The following CHD9 variants were observed in gnomAD, a reference collection of about 807,000 sequenced individuals.
The protein encoded by CHD9 is ATP-dependent chromatin remodeler CHD9.
Under a neutral mutation model 316.1 loss-of-function variants are expected in CHD9, and 77 were observed. The ratio of observed to expected loss-of-function variants is 0.24; its 90% CI spans 0.20 to 0.29. The LOEUF (loss-of-function observed/expected upper bound fraction) is 0.29. Ranked by LOEUF, CHD9 falls within the 10% of genes least tolerant of loss-of-function variation. The pLI is 1.00. For missense variants in CHD9, 2,763 were observed against 3,438.1 expected (o/e 0.80, Z 4.91); for synonymous variants, 1,129 against 1,158.3 (o/e 0.97, Z 0.51).
intron 1 of CHD9, among the ~76,000 whole-genome samples, chr16:53,108,035 G>A (rs2037508580): frequency 6.6e-6 from 1 of 152,170 alleles, no homozygotes; most frequent in South Asian, 2.1e-4. Context: ...TCTTGAAGGA[G>A]TGGAGATTAT....
chr16:53,145,014 T>C (rs2040453709), intron 1 of CHD9, among the ~76,000 whole-genome samples: 1 of 150,318 alleles, frequency 6.7e-6, no homozygotes, highest in African/African-American at 2.4e-5. Flanking sequence ...AAAAAAAAGT[T>C]CATTTAGGAT....
At chr16:53,057,654 CAAAAAAAAAAAAGAAA>C (rs1275337870) in intron 1 of CHD9, among the ~76,000 whole-genome samples, 1 of 129,762 alleles carries the variant, frequency 7.7e-6, no homozygotes, top group Non-Finnish European at 1.7e-5. Context: ...AACTCCATCT[CAAAAAAAAAAAAGAAA>C]GAAAAAAGAA....
chr16:53,098,886 G>A (rs777717272), intron 1 of CHD9, among the ~76,000 whole-genome samples: 3 of 152,298 alleles, frequency 2.0e-5, no homozygotes, highest in Admixed American at 6.5e-5. Flanking sequence ...CTAGTCAAGC[G>A]TCTGTGGCTC....
chr16:53,098,380 G>A (rs1376943834), intron 1 of CHD9, among the ~76,000 whole-genome samples: 1 of 151,592 alleles, frequency 6.6e-6, no homozygotes, highest in Non-Finnish European at 1.5e-5. Flanking sequence ...GGAGGCTGAG[G>A]CAGGAGAATT....
At chr16:53,103,830 G>A (rs1313789913) in intron 1 of CHD9, among the ~76,000 whole-genome samples, 2 of 152,216 alleles carry the variant, frequency 1.3e-5, no homozygotes, top group Non-Finnish European at 2.9e-5. Context: ...CAACAGCACA[G>A]GAAGGTGAGT....
At chr16:53,147,288 C>T (rs2040711153) in intron 1 of CHD9, among the ~76,000 whole-genome samples, 1 of 152,162 alleles carries the variant, frequency 6.6e-6, no homozygotes, top group African/African-American at 2.4e-5. Flanking sequence ...GTATATTGAG[C>T]AGAGGGAACA....
At chr16:53,143,159 A>G (rs1181787591) in intron 1 of CHD9, among the ~76,000 whole-genome samples, 1 of 152,158 alleles carries the variant, frequency 6.6e-6, no homozygotes, top group Non-Finnish European at 1.5e-5. Context: ...CTGAGTTTCC[A>G]ACACCTAAAC....
chr16:53,270,514 A>G (rs1449789561), intron 22 of CHD9, among the ~76,000 whole-genome samples: 1 of 152,192 alleles, frequency 6.6e-6, no homozygotes, highest in Non-Finnish European at 1.5e-5. Context: ...GTTGATATTT[A>G]TGAATGAAAT....
chr16:53,129,551 C>G (rs778371754), intron 1 of CHD9, among the ~76,000 whole-genome samples: 1 of 152,202 alleles, frequency 6.6e-6, no homozygotes, highest in Non-Finnish European at 1.5e-5. Context: ...AATTACTTGG[C>G]AAATACCACT....
At chr16:53,139,414 C>CA (rs1445042147) in intron 1 of CHD9, among the ~76,000 whole-genome samples, 1 of 151,698 alleles carries the variant, frequency 6.6e-6, no homozygotes, top group Non-Finnish European at 1.5e-5. Flanking sequence ...TATAAATATG[C>CA]AAAAAATGTT....
chr16:53,102,458 CCAG>C (rs1237973710), intron 1 of CHD9, among the ~76,000 whole-genome samples: 1 of 152,066 alleles, frequency 6.6e-6, no homozygotes, highest in Admixed American at 6.6e-5. Flanking sequence ...CCTAGGTCAT[CCAG>C]CTAGTAAGTG....
At chr16:53,312,463 T>C (rs911852767) in intron 34 of CHD9, among the ~76,000 whole-genome samples, 3 of 151,984 alleles carry the variant, frequency 2.0e-5, no homozygotes, top group African/African-American at 7.2e-5. Context: ...TTCTAGAAAA[T>C]AGGGTTGTCA....
chr16:53,305,721 G>A (rs1263161875), intron 31 of CHD9, among the ~76,000 whole-genome samples: 2 of 152,148 alleles, frequency 1.3e-5, no homozygotes, highest in Admixed American at 6.5e-5. Context: ...CACCAGTTCA[G>A]GGGCAAGAAA....
At chr16:53,139,176 C>T (rs1301895641) in intron 1 of CHD9, among the ~76,000 whole-genome samples, 1 of 152,070 alleles carries the variant, frequency 6.6e-6, no homozygotes, top group East Asian at 1.9e-4. Context: ...TAGTGAATTT[C>T]AGCAGGAAAA....
intron 5 of CHD9, 50 bp downstream of exon 5, chr16:53,226,562 T>C: frequency 6.4e-7 from 1 of 1,556,426 alleles, no homozygotes; most frequent in East Asian, 2.4e-5. Context: ...CCGACATAAA[T>C]TCTATAAATA....
chr16:53,207,720 G>A (rs992244115), intron 2 of CHD9, among the ~76,000 whole-genome samples: 2 of 151,430 alleles, frequency 1.3e-5, no homozygotes, highest in South Asian at 4.2e-4. Flanking sequence ...AATTGCTTTA[G>A]ATTTTGTTTT....
intron 2 of CHD9, among the ~76,000 whole-genome samples, chr16:53,198,583 C>T (rs2152842362): frequency 6.6e-6 from 1 of 152,286 alleles, no homozygotes; most frequent in South Asian, 2.1e-4. Flanking sequence ...GCCTCGGCCT[C>T]CCAAAGTGCT....
intron 1 of CHD9, among the ~76,000 whole-genome samples, chr16:53,149,717 T>G (rs939177176): frequency 7.4e-6 from 1 of 135,014 alleles, no homozygotes; most frequent in Non-Finnish European, 1.6e-5. Context: ...CTGGCTAATT[T>G]AAAAATATAT....
rs567480255 is a variant in CHD9, at chr16:53,222,017, G to A, written c.1785-627G>A. ...TAAGCCTAAAAAACAAATAAGACTTGATTGCCTTTTTTTTTTTACCTGCTA... is the reference window on the plus strand; with the variant it reads ...TAAGCCTAAAAAACAAATAAGACTTAATTGCCTTTTTTTTTTTACCTGCTA... On this transcript the variant is annotated intron_variant, in intron 3 of 38. Coordinates refer to ENST00000447540, the MANE Select transcript of CHD9 (RefSeq NM_001308319.2). Among the ~76,000 whole-genome samples the A allele has an allele frequency of 2.7e-4, 41 of 151,210 alleles. 1 individual carries two copies. Among genetic ancestry groups the A allele is most frequent in the African/African-American group, 9.0e-4 (37 of 41,214 alleles).
Sources: allele counts gnomAD v4.1 joint callset (sites outside exome capture counted in the v4.1 genomes callset), GRCh38; gene constraint gnomAD v4.1.1; transcripts MANE v1.5; gene names NCBI Gene and HGNC (gene_info 2026-07-23, HGNC 2026-07-21).